Variants in ZNF600 observed in about 807,000 individuals in gnomAD.
The protein encoded by ZNF600 is zinc finger protein KR-ZNF1.
Under a neutral mutation model 7.3 loss-of-function variants are expected in ZNF600, and 4 were observed. The observed-to-expected ratio is 0.55, with a 90% CI of 0.27 to 1.25. ZNF600 has a LOEUF of 1.25. Among genes scored for constraint, ZNF600 ranks in the 50% most tolerant of loss-of-function variants. The pLI is 0.12. For missense variants in ZNF600, 911 were observed against 922.1 expected (o/e 0.99, Z 0.16); for synonymous variants, 290 against 308.9 (o/e 0.94, Z 0.64).
the ZNF600 span, among the ~76,000 whole-genome samples, chr19:52,809,529 C>T: frequency 6.6e-6 from 1 of 152,154 alleles, no homozygotes; most frequent in Non-Finnish European, 1.5e-5. Context: ...TATTATGGGC[C>T]TGGCGCGGTG....
chr19:52,796,510 A>G, the ZNF600 span, among the ~76,000 whole-genome samples: 2 of 151,598 alleles, frequency 1.3e-5, no homozygotes, highest in African/African-American at 4.8e-5. Flanking sequence ...CTTACGTCTT[A>G]GACTGGAGTA....
chr19:52,816,494 C>G, the ZNF600 span, among the ~76,000 whole-genome samples: 1 of 145,206 alleles, frequency 6.9e-6, no homozygotes, highest in Admixed American at 6.9e-5. Context: ...GAAACCCCGT[C>G]TCTACTAAAA....
chr19:52,790,777 C>T (rs1568639561), upstream of ZNF600, among the ~76,000 whole-genome samples: 2 of 149,784 alleles, frequency 1.3e-5, no homozygotes, highest in Non-Finnish European at 3.0e-5. Flanking sequence ...ACCTCGACTT[C>T]CCGGATTCAA....
intron 2 of ZNF600, among the ~76,000 whole-genome samples, chr19:52,775,492 G>A (rs2062667315): frequency 6.6e-6 from 1 of 152,112 alleles, no homozygotes; most frequent in Non-Finnish European, 1.5e-5. Context: ...GGAGGTTACA[G>A]TGAGCCAAGA....
the ZNF600 span, among the ~76,000 whole-genome samples, chr19:52,796,077 A>T: frequency 2.6e-5 from 4 of 152,172 alleles, no homozygotes; most frequent in Admixed American, 2.6e-4. Context: ...TTGGAGGCTG[A>T]AATGGGAGGA....
chr19:52,810,196 A>G, the ZNF600 span: 116 of 1,030,746 alleles, frequency 1.1e-4, no homozygotes, highest in African/African-American at 1.3e-3. Context: ...GAAGCTGAGA[A>G]GCTAAAGGAG....
chr19:52,790,799 G>A (rs2062789246), upstream of ZNF600, among the ~76,000 whole-genome samples: 1 of 146,836 alleles, frequency 6.8e-6, no homozygotes, highest in Admixed American at 7.1e-5. Context: ...TGACTCTCCT[G>A]CCTCAGCCTC....
At chr19:52,799,344 T>C in the ZNF600 span, 4 of 529,502 alleles carry the variant, frequency 7.6e-6, no homozygotes, top group Non-Finnish European at 1.0e-5. Context: ...GTCATAAACC[T>C]TACATCTGTG....
exon 4 of ZNF600, chr19:52,766,295 T>C (rs2147480681): frequency 6.2e-7 from 1 of 1,614,132 alleles, no homozygotes; most frequent in Non-Finnish European, 8.5e-7. Context: ...TTCTAGTATG[T>C]TTTGCCAGAT....
chr19:52,829,950 G>A, the ZNF600 span, among the ~76,000 whole-genome samples: 82 of 152,288 alleles, frequency 5.4e-4, no homozygotes, highest in African/African-American at 1.9e-3. Context: ...TGCAATGTGT[G>A]AAGCCATCTA....
intron 1 of ZNF600, among the ~76,000 whole-genome samples, chr19:52,783,392 C>G (rs1009526826): frequency 2.0e-5 from 3 of 152,128 alleles, no homozygotes; most frequent in Admixed American, 1.3e-4. Context: ...GACCGAGTCT[C>G]GCTCTGTCGC....
chr19:52,808,382 A>G, the ZNF600 span, among the ~76,000 whole-genome samples: 1 of 152,220 alleles, frequency 6.6e-6, no homozygotes, highest in Non-Finnish European at 1.5e-5. Flanking sequence ...GATTCCTGTT[A>G]TAAAAATGTT....
rs139360351 is a variant in ZNF600, at chr19:52,780,348, C to G, written c.-19-1441G>C. ...GAGAAGATGATATCAGAACAAGGAC[C>G]TAGGAAAGAAAGGCTGCTTGTCACT... On this transcript the variant is annotated intron_variant, in intron 1 of 3. Coordinates refer to ENST00000648973, the Ensembl canonical transcript of ZNF600. 1.8e-3 allele frequency among the ~76,000 whole-genome samples: 272 copies of G among 152,160 alleles called. 3 individuals are homozygous for G. The highest frequency in any genetic ancestry group is 6.2e-3 in the African/African-American group (257 of 41,506).
At chr19:52,796,323 G>A in the ZNF600 span, among the ~76,000 whole-genome samples, 5 of 152,140 alleles carry the variant, frequency 3.3e-5, no homozygotes, top group Non-Finnish European at 5.9e-5. Flanking sequence ...TTATGGACAC[G>A]AGACAGCAAT....
chr19:52,785,139 G>C (rs1428148310), intron 1 of ZNF600, among the ~76,000 whole-genome samples: 9 of 151,540 alleles, frequency 5.9e-5, no homozygotes, highest in African/African-American at 1.2e-4. Context: ...CCCTGGGATT[G>C]TGCTCCTCAT....
rs536549555 is a variant in ZNF600 at position 52,780,085 on chromosome 19, G to C, written c.-19-1178C>G. ...TCTCTGTGACCTGGAAGCCCACTCCGTGCTTCAAGTCTTCCTGCCTTTGTT... is the reference window on the plus strand; with the variant it reads ...TCTCTGTGACCTGGAAGCCCACTCCCTGCTTCAAGTCTTCCTGCCTTTGTT... On this transcript the variant is annotated intron_variant, in intron 1 of 3. Transcript: ENST00000648973. 2.6e-5 allele frequency among the ~76,000 whole-genome samples: 4 copies of C among 152,076 alleles called. No homozygotes were observed. The East Asian group carries it at 7.7e-4, about 29-fold the overall frequency.
chr19:52,801,319 T>A, the ZNF600 span: 44 of 1,614,066 alleles, frequency 2.7e-5, no homozygotes, highest in Admixed American at 7.0e-4. Flanking sequence ...CTTTGGGATG[T>A]TGAAACTGAG....
chr19:52,790,682 CTTTTTT>C (rs71183835), upstream of ZNF600, among the ~76,000 whole-genome samples: 1 of 98,566 alleles, frequency 1.0e-5, no homozygotes, highest in Non-Finnish European at 1.9e-5. Flanking sequence ...TCTCTCTCTC[CTTTTTT>C]TTTTTTTTTT....
At chr19:52,793,239 A>C in the ZNF600 span, among the ~76,000 whole-genome samples, 1 of 152,218 alleles carries the variant, frequency 6.6e-6, no homozygotes, top group East Asian at 1.9e-4. Flanking sequence ...GTATAAAATT[A>C]AGCTGTGCCC....
Sources: gnomAD v4.1 joint callset for allele counts (sites outside exome capture counted in the v4.1 genomes callset) on GRCh38, gnomAD v4.1.1 for gene constraint, MANE v1.5 for transcripts, NCBI Gene and HGNC (gene_info 2026-07-23, HGNC 2026-07-21) for gene names.